FBN2: variants seen among roughly 807,000 people sequenced by gnomAD.
FBN2 encodes the protein fibrillin 2.
Under a neutral mutation model 355.6 loss-of-function variants are expected in FBN2, and 105 were observed. That is an observed-to-expected ratio of 0.30 (90% CI 0.25 to 0.35). FBN2 has a LOEUF of 0.35. Among genes scored for constraint, FBN2 ranks in the 10% least tolerant of loss-of-function variants. FBN2 has a pLI of 1.00. For missense variants in FBN2, 3,280 were observed against 3,758.7 expected, an observed-to-expected ratio of 0.87 and a Z score of 3.33; for synonymous variants, 1,350 against 1,301.2, an observed-to-expected ratio of 1.04 and a Z score of -0.81.
chr5:128,397,357 A>C (rs1295973552), intron 8 of FBN2, among the ~76,000 whole-genome samples: 1 of 152,256 alleles, frequency 6.6e-6, no homozygotes. Flanking sequence ...GTTATAAAAC[A>C]CAATCAGTGC....
chr5:128,514,763 T>C (rs1371237667), intron 5 of FBN2, among the ~76,000 whole-genome samples: 1 of 152,194 alleles, frequency 6.6e-6, no homozygotes, highest in Non-Finnish European at 1.5e-5. Flanking sequence ...TAATCCTAAG[T>C]GTAGGAATTA....
intron 5 of FBN2, among the ~76,000 whole-genome samples, chr5:128,474,918 A>T (rs1474792744): frequency 3.3e-5 from 5 of 152,222 alleles, no homozygotes; most frequent in Non-Finnish European, 7.3e-5. Context: ...TTAGAAAACC[A>T]TTAGACCGTA....
At chr5:128,429,397 C>T (rs2127028040) in intron 7 of FBN2, among the ~76,000 whole-genome samples, 1 of 152,134 alleles carries the variant, frequency 6.6e-6, no homozygotes, top group African/African-American at 2.4e-5. Context: ...AGCAGTATTC[C>T]TAAAAAAATC....
At chr5:128,405,568 G>C (rs746641353) in intron 8 of FBN2, among the ~76,000 whole-genome samples, 12 of 152,180 alleles carry the variant, frequency 7.9e-5, no homozygotes, top group Non-Finnish European at 1.8e-4. Flanking sequence ...GAGGATTCAT[G>C]CTTCTTTTCC....
chr5:128,388,299 C>T (rs914758269), intron 11 of FBN2, among the ~76,000 whole-genome samples: 2 of 152,156 alleles, frequency 1.3e-5, no homozygotes, highest in African/African-American at 4.8e-5. Context: ...ATCTATCTTG[C>T]CACCCTGTGC....
intron 7 of FBN2, among the ~76,000 whole-genome samples, chr5:128,415,917 C>T (rs1753182752): frequency 6.6e-6 from 1 of 151,964 alleles, no homozygotes; most frequent in East Asian, 1.9e-4. Flanking sequence ...GATGACATCT[C>T]ATTGTAATTT....
In FBN2 at chr5:128,357,288, A is replaced by G. The variant is rs1333012827; in HGVS notation, c.2662T>C (p.Leu888=). The G allele has an allele frequency of 2.5e-6, 4 of 1,613,950 alleles. No individual in the cohort carries two copies. In the East Asian group the frequency reaches 6.7e-5, roughly 27 times the overall value. Residue 888 remains leucine, a synonymous_variant, in exon 20 of 65, where the codon TTG becomes CTG. Transcript: ENST00000262464. The stretch of plus-strand genomic sequence containing the variant: ...GTATGAATCTTACCAATACAGATCA[A>G]TCCTGTGGAGCTGAGTTTGCTGCCG... The part of the protein sequence containing the change: ...SPGSKLSSTG[L]ICIDSLKGTC...
intron 5 of FBN2, among the ~76,000 whole-genome samples, chr5:128,481,855 A>G (rs991980816): frequency 1.3e-5 from 2 of 152,144 alleles, no homozygotes; most frequent in Non-Finnish European, 2.9e-5. Flanking sequence ...AGTTGTACCT[A>G]TCGTGTTTCT....
chr5:128,340,558 G>C (rs1379828773), intron 25 of FBN2, among the ~76,000 whole-genome samples: 1 of 152,232 alleles, frequency 6.6e-6, no homozygotes, highest in African/African-American at 2.4e-5. Context: ...TTCTAGGGTG[G>C]AGCAGGGACA....
intron 4 of FBN2, among the ~76,000 whole-genome samples, chr5:128,522,516 C>A (rs1351438677): frequency 6.6e-6 from 1 of 152,120 alleles, no homozygotes. Context: ...AGTGGCTGCA[C>A]GCTGAAGGTA....
intron 5 of FBN2, among the ~76,000 whole-genome samples, chr5:128,475,484 T>C (rs972744876): frequency 1.3e-5 from 2 of 152,078 alleles, no homozygotes; most frequent in African/African-American, 4.8e-5. Flanking sequence ...GGTCACAACA[T>C]AGAGCCTAGA....
rs1172525773 is a variant in FBN2, at chr5:128,464,705, A to G, written c.826+19T>C. 6.2e-7 allele frequency: 1 copy of G among 1,610,310 alleles called. No individual in the cohort carries two copies. The highest frequency in any genetic ancestry group is 8.5e-7 in the Non-Finnish European group (1 of 1,178,556). On this transcript the variant is annotated intron_variant, in intron 6 of 64. Transcript: ENST00000262464. Reference sequence around the variant, plus strand: ...GTGGCAGGTCTGCGATGGTGTGCACAGGCAGACAGCTGACTCACCTTGGCA... The same window carrying G: ...GTGGCAGGTCTGCGATGGTGTGCACGGGCAGACAGCTGACTCACCTTGGCA...
intron 61 of FBN2, among the ~76,000 whole-genome samples, chr5:128,273,511 T>C (rs1765314339): frequency 6.6e-6 from 1 of 152,224 alleles, no homozygotes; most frequent in South Asian, 2.1e-4. Context: ...AGGCCAATTA[T>C]TATTTTTTTC....
chr5:128,290,994 G>A (rs1236901878), intron 49 of FBN2, 110 bp from the exon 50 acceptor site: 4 of 1,032,200 alleles, frequency 3.9e-6, no homozygotes, highest in South Asian at 2.8e-5. Context: ...GTTAAGGCAG[G>A]TCTGGAAATC....
chr5:128,536,992 A>G (rs564252404), intron 1 of FBN2, among the ~76,000 whole-genome samples: 2 of 152,098 alleles, frequency 1.3e-5, no homozygotes, highest in South Asian at 4.2e-4. Context: ...CGACGTGGGG[A>G]GCAAGCAGGC....
At chr5:128,291,395 T>A (rs1463977792) in intron 49 of FBN2, 134 bp downstream of exon 49, 1 of 999,406 alleles carries the variant, frequency 1.0e-6, no homozygotes, top group African/African-American at 1.6e-5. Flanking sequence ...GTTTGAGACC[T>A]AAATTTTTAA....
At chr5:128,318,411 T>G in intron 35 of FBN2, 140 bp from the exon 36 acceptor site, 1 of 900,252 alleles carries the variant, frequency 1.1e-6, no homozygotes, top group Non-Finnish European at 1.8e-6. Flanking sequence ...AAAATAAATA[T>G]CTTAAATTTT....
At chr5:128,299,980 A>T (rs1336184678) in intron 48 of FBN2, among the ~76,000 whole-genome samples, 1 of 152,254 alleles carries the variant, frequency 6.6e-6, no homozygotes, top group Non-Finnish European at 1.5e-5. Context: ...GGGGATACCC[A>T]TGGTATCTAA....
At position 128,339,000 on chromosome 5, in the gene FBN2, C is replaced by G. The variant is rs185809581; in HGVS notation, c.3405G>C (p.Pro1135=). The G allele has an allele frequency of 6.2e-7, 1 of 1,613,798 alleles. No homozygotes were observed. The highest frequency in any genetic ancestry group is 1.1e-5 in the South Asian group (1 of 91,076). The part of the protein sequence containing the change: ...LCGSGICVNT[P]GSFECECFEG... ...CGAAGCACTCGCACTCAAAGCTGCC[C>G]GGTGTATTGACGCAGATTCCACTGC... The change falls in exon 26 of 65, where the codon CCG becomes CCC. Residue 1135 remains proline (P), a synonymous_variant. Transcript: ENST00000262464.
Sources: allele counts gnomAD v4.1 joint callset (sites outside exome capture counted in the v4.1 genomes callset), GRCh38; gene constraint gnomAD v4.1.1; transcripts MANE v1.5; gene names NCBI Gene and HGNC (gene_info 2026-07-23, HGNC 2026-07-21).